TMEFF2: variants seen among roughly 807,000 people sequenced by gnomAD.
TMEFF2 encodes transmembrane protein with EGF like and two follistatin like domains 2.
In TMEFF2, 28 loss-of-function variants were observed where a neutral mutation model predicts 53.8. The observed-to-expected ratio is 0.52, with a 90% CI of 0.39 to 0.71. TMEFF2 has a LOEUF of 0.71. Among genes scored for constraint, TMEFF2 ranks in the 30% least tolerant of loss-of-function variants. TMEFF2 has a pLI of 0.00. For missense variants in TMEFF2, 353 were observed against 455.2 expected (o/e 0.78, Z 2.04); for synonymous variants, 162 against 166.3 (o/e 0.97, Z 0.20).
intron 4 of TMEFF2, among the ~76,000 whole-genome samples, chr2:192,151,386 T>C (rs1690384132): frequency 6.6e-6 from 1 of 151,900 alleles, no homozygotes; most frequent in Non-Finnish European, 1.5e-5. Context: ...GCTACTGTTT[T>C]AAGATGATCA....
intron 4 of TMEFF2, among the ~76,000 whole-genome samples, chr2:192,103,198 G>A (rs1427729400): frequency 6.6e-6 from 1 of 152,074 alleles, no homozygotes; most frequent in East Asian, 1.9e-4. Flanking sequence ...GTTTTCTGAT[G>A]TTTATCCCTG....
rs567760731 is a variant in TMEFF2, at chr2:192,096,744, T to C, written c.440-38969A>G. ...CAGGCTGGAGTGCAGTGGTACAATC[T>C]CAGCTCACTGCAACCTCCGCCTCCT... On this transcript the variant is annotated intron_variant, in intron 4 of 9. Transcript: ENST00000272771. Among the ~76,000 whole-genome samples the C allele has an allele frequency of 1.6e-4, 22 of 133,824 alleles. 1 individual carries two copies. The East Asian group carries it at 5.4e-3, about 33-fold the overall frequency. The allele number at this position is 133,824 out of a possible 152,430, so 87.8% of individuals were successfully genotyped here.
intron 7 of TMEFF2, among the ~76,000 whole-genome samples, chr2:191,994,981 A>ATGAT (rs1312550314): frequency 6.6e-6 from 1 of 151,956 alleles, no homozygotes; most frequent in Admixed American, 6.6e-5. Context: ...ACTGGCAGGG[A>ATGAT]TGATTGAGCA....
At chr2:192,012,482 A>T (rs1463984658) in intron 5 of TMEFF2, among the ~76,000 whole-genome samples, 1 of 152,116 alleles carries the variant, frequency 6.6e-6, no homozygotes, top group East Asian at 1.9e-4. Flanking sequence ...GTACAATGGG[A>T]CCTGGGCCAA....
rs1197720704 is a variant in TMEFF2, at chr2:191,999,075, A to C, written c.670T>G (p.Leu224Val). The C allele has an allele frequency of 1.5e-5, 24 of 1,610,070 alleles. No homozygotes were observed. The highest frequency in any genetic ancestry group is 2.0e-5 in the Non-Finnish European group (24 of 1,177,392). ...QKQEKIEVMS[L>V]GRCQDNTTTT... ...TGAACATTACCTTGACATCGACCCAAAGACATGACTTCAATTTTCTCCTGT... is the reference window on the plus strand; with the variant it reads ...TGAACATTACCTTGACATCGACCCACAGACATGACTTCAATTTTCTCCTGT... Residue 224 changes from leucine (L) to valine (V), a missense_variant, in exon 6 of 10, where the codon TTG becomes GTG. Around this residue, in one of 3 missense-constraint regions of TMEFF2, gnomAD observed 294 missense variants for 397.3 expected, o/e 0.74. Coordinates refer to ENST00000272771, the MANE Select transcript of TMEFF2 (RefSeq NM_016192.4).
chr2:191,982,459 T>C (rs1178953941), intron 7 of TMEFF2, among the ~76,000 whole-genome samples: 1 of 149,446 alleles, frequency 6.7e-6, no homozygotes, highest in Non-Finnish European at 1.5e-5. Context: ...TTCTAAGATA[T>C]TATAACCTGT....
chr2:192,140,576 G>A (rs1271100195), intron 4 of TMEFF2, among the ~76,000 whole-genome samples: 2 of 152,066 alleles, frequency 1.3e-5, no homozygotes, highest in Non-Finnish European at 2.9e-5. Flanking sequence ...CCAGAATGGA[G>A]CCATATAAAA....
intron 4 of TMEFF2, among the ~76,000 whole-genome samples, chr2:192,085,699 A>T (rs2356761): frequency 0.44 from 63,650 of 144,320 alleles, 14,635 homozygotes; most frequent in South Asian, 0.57. Flanking sequence ...AAGTGAACTC[A>T]TAGAAGCAGG....
intron 5 of TMEFF2, among the ~76,000 whole-genome samples, chr2:192,050,694 G>T (rs1574327441): frequency 6.6e-6 from 1 of 152,106 alleles, no homozygotes; most frequent in Non-Finnish European, 1.5e-5. Flanking sequence ...TTAATGCCCT[G>T]TATAGACCAT....
chr2:192,172,162 A>G (rs1690931831), intron 4 of TMEFF2, among the ~76,000 whole-genome samples: 3 of 151,430 alleles, frequency 2.0e-5, no homozygotes, highest in Admixed American at 2.0e-4. Flanking sequence ...ACAACTCATA[A>G]AGGCCATCCC....
intron 4 of TMEFF2, among the ~76,000 whole-genome samples, chr2:192,138,398 G>A (rs1182845243): frequency 1.3e-5 from 2 of 152,166 alleles, no homozygotes; most frequent in African/African-American, 4.8e-5. Context: ...TTACAATAGT[G>A]CTTCTCAAAC....
chr2:191,952,663 AC>A (rs1691922376), intron 9 of TMEFF2, among the ~76,000 whole-genome samples: 1 of 152,140 alleles, frequency 6.6e-6, no homozygotes, highest in Admixed American at 6.6e-5. Context: ...GGATTTATGA[AC>A]CATATTTTGT....
intron 5 of TMEFF2, chr2:192,028,613 T>G (rs1481907951): frequency 6.6e-6 from 1 of 152,048 alleles, no homozygotes; most frequent in Non-Finnish European, 1.5e-5. Flanking sequence ...TTTCTTTTCC[T>G]TTCAGTCATT....
intron 4 of TMEFF2, among the ~76,000 whole-genome samples, chr2:192,096,658 C>CTG: frequency 1.6e-5 from 1 of 60,938 alleles, no homozygotes; most frequent in Non-Finnish European, 3.1e-5. Context: ...CCTTCTCTCT[C>CTG]TCTCTCTCTC....
intron 5 of TMEFF2, among the ~76,000 whole-genome samples, chr2:192,003,938 G>GGGGGCC (rs56274230): frequency 2.7e-5 from 4 of 145,754 alleles, no homozygotes; most frequent in Non-Finnish European, 4.6e-5. Context: ...TGGGGGGGGG[G>GGGGGCC]CTCACACTCA....
At position 192,188,070 on chromosome 2, in the gene TMEFF2, T is replaced by C. The variant is rs192654070; in HGVS notation, c.283-3587A>G. On this transcript the variant is annotated intron_variant, in intron 2 of 9. Transcript: ENST00000272771. Reference sequence around the variant, plus strand: ...AAGGCTTAAGAAGAATGGCTTGGGATATGGTATATTTTTCTTCCAAAAGGG... The same window carrying C: ...AAGGCTTAAGAAGAATGGCTTGGGACATGGTATATTTTTCTTCCAAAAGGG... 3.3e-3 allele frequency among the ~76,000 whole-genome samples: 496 copies of C among 152,296 alleles called. 6 individuals are homozygous for C. Among genetic ancestry groups the C allele is most frequent in the African/African-American group, 0.011 (477 of 41,560 alleles).
At chr2:192,039,980 C>A (rs150832166) in intron 5 of TMEFF2, among the ~76,000 whole-genome samples, 7 of 151,914 alleles carry the variant, frequency 4.6e-5, no homozygotes, top group African/African-American at 1.7e-4. Context: ...GAATCACCTA[C>A]AATTTTACAA....
intron 4 of TMEFF2, among the ~76,000 whole-genome samples, chr2:192,137,114 T>G (rs1690028931): frequency 6.6e-6 from 1 of 152,210 alleles, no homozygotes; most frequent in South Asian, 2.1e-4. Flanking sequence ...TAATCGCATA[T>G]TGTAAGAAGT....
At chr2:192,151,199 T>C (rs1348599538) in intron 4 of TMEFF2, among the ~76,000 whole-genome samples, 2 of 151,880 alleles carry the variant, frequency 1.3e-5, no homozygotes, top group African/African-American at 2.4e-5. Flanking sequence ...TCCCCAGCCA[T>C]GAGGAACTGT....
Sources: gnomAD v4.1 joint callset for allele counts (sites outside exome capture counted in the v4.1 genomes callset) on GRCh38, gnomAD v4.1.1 for gene constraint, gnomAD v4.1.1 regional missense constraint, MANE v1.5 for transcripts, NCBI Gene and HGNC (gene_info 2026-07-23, HGNC 2026-07-21) for gene names.